The following ADRA1A variants were observed in gnomAD, a reference collection of about 807,000 sequenced individuals.
ADRA1A encodes the protein adrenoceptor alpha 1A, also known as alpha-1A adrenergic receptor.
A neutral mutation model predicts 29.6 loss-of-function variants in ADRA1A; 31 were observed. The ratio of observed to expected loss-of-function variants is 1.05; its 90% CI spans 0.79 to 1.41. The LOEUF is 1.41. ADRA1A is among the 40% of genes most tolerant of loss of function. ADRA1A has a pLI of 0.00. For synonymous variants in ADRA1A, 311 were observed against 254.3 expected (o/e 1.22, Z -2.12); for missense variants, 619 against 601.1 (o/e 1.03, Z -0.31).
downstream of ADRA1A, among the ~76,000 whole-genome samples, chr8:26,767,561 C>T (rs575839641): frequency 2.6e-5 from 4 of 152,222 alleles, no homozygotes; most frequent in East Asian, 1.9e-4. Context: ...AAATTATTTA[C>T]GGATAGTTTT....
chr8:26,753,113 G>A (rs566555468), downstream of ADRA1A, among the ~76,000 whole-genome samples: 2 of 152,206 alleles, frequency 1.3e-5, no homozygotes, highest in Non-Finnish European at 2.9e-5. Flanking sequence ...GGGGCCGAAA[G>A]GGTAGCCCTG....
exon 3 of ADRA1A, chr8:26,748,736 A>G (rs1467376324): frequency 5.3e-6 from 2 of 377,554 alleles, no homozygotes. Flanking sequence ...CTGGTGACAG[A>G]GCGAGACTTC....
At chr8:26,794,262 C>T (rs1808034172) in intron 2 of ADRA1A, among the ~76,000 whole-genome samples, 1 of 152,072 alleles carries the variant, frequency 6.6e-6, no homozygotes, top group African/African-American at 2.4e-5. Flanking sequence ...TTAGATTCTG[C>T]ATCATTTTCA....
chr8:26,852,010 C>G (rs1812672040), intron 2 of ADRA1A, among the ~76,000 whole-genome samples: 1 of 152,056 alleles, frequency 6.6e-6, no homozygotes, highest in South Asian at 2.1e-4. Context: ...CAATAAGTCC[C>G]ATAAGCTAAA....
rs571460382 is a variant in ADRA1A at position 26,778,950 on chromosome 8, AAT to A, written c.884-8286_884-8285del. 12 of 151,252 alleles carry A rather than the reference AAT, an allele frequency of 7.9e-5. No individual in the cohort carries two copies. In the East Asian group the frequency reaches 1.4e-3, roughly 17 times the overall value. 9.4% of individuals were successfully genotyped at this position (151,252 alleles called of 1,614,324 possible). ...CTAGAACTTAAAGTATAATAAAAAA[AAT>A]ATATATATATATAAATTTTTTTAAT... is the stretch of plus-strand genomic sequence containing the variant. On this transcript the variant is annotated intron_variant, in intron 2 of 2. Coordinates refer to ENST00000380573, the MANE Select transcript of ADRA1A (RefSeq NM_000680.4).
In ADRA1A at chr8:26,775,130, A is replaced by T. The variant is rs141741510; in HGVS notation, c.884-4464T>A. Reference sequence around the variant, plus strand: ...ACTCACGGAGCTCCAGAATCCAGTAAAATGCTAGAGTCTTGAAGGCATTCT... The same window carrying T: ...ACTCACGGAGCTCCAGAATCCAGTATAATGCTAGAGTCTTGAAGGCATTCT... On this transcript the variant is annotated intron_variant, in intron 2 of 2. Transcript: ENST00000380573. This position sits in a 1 kb window ranked among gnomAD's most constrained non-coding sequence, Gnocchi z 4.1. Among the ~76,000 whole-genome samples, 426 of 152,286 alleles carry T rather than the reference A, an allele frequency of 2.8e-3. 8 individuals carry two copies. The highest frequency in any genetic ancestry group is 0.023 in the Admixed American group (355 of 15,302).
Position 26,848,867 on chromosome 8 carries a change from T to C in ADRA1A, c.883+15220A>G, listed in dbSNP as rs138031850. Among the ~76,000 whole-genome samples the C allele has an allele frequency of 6.6e-6, 1 of 152,282 alleles. No homozygotes were observed. The highest frequency in any genetic ancestry group is 1.9e-4 in the East Asian group (1 of 5,170). On this transcript the variant is annotated intron_variant, in intron 2 of 2. Coordinates refer to ENST00000380573, the MANE Select transcript of ADRA1A (RefSeq NM_000680.4). The surrounding 1 kb of genome is among the most constrained non-coding windows in gnomAD (Gnocchi z 4.3). Reference sequence around the variant, plus strand: ...TCTAACTGTTGAGAATCAAAGGCTATAGGAGGATGGGTCTGCTTTGTCTTG... The same window carrying C: ...TCTAACTGTTGAGAATCAAAGGCTACAGGAGGATGGGTCTGCTTTGTCTTG...
rs1000663557 is a variant in ADRA1A, at chr8:26,860,950, A to G, written c.883+3137T>C. ...GCTCCAGTGTATAGCAAAACCTTTC[A>G]GAAGAGTTGTCTATTTTCCCTGTTC... On this transcript the variant is annotated intron_variant, in intron 2 of 2. Transcript: ENST00000380573. This position sits in a 1 kb window ranked among gnomAD's most constrained non-coding sequence, Gnocchi z 4.7. 2.6e-4 allele frequency among the ~76,000 whole-genome samples: 40 copies of G among 152,300 alleles called. No individual in the cohort carries two copies. Among genetic ancestry groups the G allele is most frequent in the African/African-American group, 9.1e-4 (38 of 41,570 alleles).
chr8:26,856,513 C>CT (rs1221989946), intron 2 of ADRA1A, among the ~76,000 whole-genome samples: 2 of 152,214 alleles, frequency 1.3e-5, no homozygotes, highest in Non-Finnish European at 2.9e-5. Context: ...CCAGTTATCT[C>CT]TTGGCCTCTT....
At chr8:26,814,519 C>G (rs1809633786) in intron 2 of ADRA1A, among the ~76,000 whole-genome samples, 1 of 152,196 alleles carries the variant, frequency 6.6e-6, no homozygotes, top group South Asian at 2.1e-4. Context: ...ACCTTGGCCT[C>G]CCAAAGGCCA....
rs1234538815 is a variant in ADRA1A at position 26,805,854 on chromosome 8, AG to A, written c.884-35189del. ...CCCACATAGATTTGGCATTATTAAC[AG>A]AGCCAAAGCCAAGTGACGTTGGCCC... On this transcript the variant is annotated intron_variant, in intron 2 of 2. Coordinates refer to ENST00000380573, the MANE Select transcript of ADRA1A (RefSeq NM_000680.4). This position sits in a 1 kb window ranked among gnomAD's most constrained non-coding sequence, Gnocchi z 4.8. 6.6e-5 allele frequency among the ~76,000 whole-genome samples: 10 copies of A among 152,304 alleles called. No individual in the cohort carries two copies. Among genetic ancestry groups the A allele is most frequent in the Admixed American group, 1.3e-4 (2 of 15,306 alleles).
rs1445800626 is a variant in ADRA1A at position 26,768,900 on chromosome 8, T to A, written c.*1249A>T. On this transcript the variant is annotated 3_prime_UTR_variant, in exon 3 of 3. Coordinates refer to ENST00000380573, the MANE Select transcript of ADRA1A (RefSeq NM_000680.4). ...GCTCTTGCAGAAAAGTAGGAATAGA[T>A]GAAGTTGAGTTGACTACTGGATCTT... 1.3e-5 allele frequency: 13 copies of A among 985,314 alleles called. No individual in the cohort carries two copies. Among genetic ancestry groups the A allele is most frequent in the Non-Finnish European group, 1.6e-5 (13 of 829,942 alleles). 61.0% of individuals were successfully genotyped at this position (985,314 alleles called of 1,614,324 possible).
chr8:26,785,875 C>T (rs776487612), intron 2 of ADRA1A, among the ~76,000 whole-genome samples: 10 of 152,140 alleles, frequency 6.6e-5, no homozygotes, highest in Non-Finnish European at 1.0e-4. Context: ...GTCTTCTTGA[C>T]GTCTTCAGTA....
At chr8:26,822,477 T>C (rs1316970054) in intron 2 of ADRA1A, among the ~76,000 whole-genome samples, 1 of 152,358 alleles carries the variant, frequency 6.6e-6, no homozygotes, top group South Asian at 2.1e-4. Context: ...TAGCCATACA[T>C]GGCTAGTGGC....
chr8:26,757,303 C>A (rs541122219), intron 2 of ADRA1A, among the ~76,000 whole-genome samples: 2 of 152,178 alleles, frequency 1.3e-5, no homozygotes, highest in Admixed American at 6.5e-5. Flanking sequence ...CTGACTACCC[C>A]GTCAGCCTGA....
At chr8:26,780,494 T>C (rs1396142746) in intron 2 of ADRA1A, among the ~76,000 whole-genome samples, 2 of 152,224 alleles carry the variant, frequency 1.3e-5, no homozygotes, top group Non-Finnish European at 2.9e-5. Context: ...CAAACTTGAA[T>C]TTGTCCAATT....
chr8:26,812,061 A>G (rs1458382816), intron 2 of ADRA1A, among the ~76,000 whole-genome samples: 2 of 152,242 alleles, frequency 1.3e-5, no homozygotes, highest in Admixed American at 1.3e-4. Context: ...TAAAGAAATC[A>G]AAATTTCTAA....
chr8:26,769,882 G>T lies in ADRA1A; in HGVS notation c.*267C>A. 1 of 1,187,884 alleles carries T rather than the reference G, an allele frequency of 8.4e-7. No individual in the cohort carries two copies. Among genetic ancestry groups the T allele is most frequent in the Admixed American group, 4.1e-5 (1 of 24,168 alleles). The allele number at this position is 1,187,884 out of a possible 1,614,324, so 73.6% of individuals were successfully genotyped here. A position where few individuals can be genotyped will look rare whatever the true frequency, so the allele number is the denominator to read the frequency against. ...AATTCTGTTTCCCATGGTGGTTTTC[G>T]TTGAAGTGGGCACAGAGTGACCAAG... On this transcript the variant is annotated 3_prime_UTR_variant, in exon 3 of 3. Coordinates refer to ENST00000380573, the MANE Select transcript of ADRA1A (RefSeq NM_000680.4).
At chr8:26,799,676 T>C (rs972102183) in intron 2 of ADRA1A, among the ~76,000 whole-genome samples, 5 of 152,196 alleles carry the variant, frequency 3.3e-5, no homozygotes, top group Non-Finnish European at 7.4e-5. Flanking sequence ...CTCTCTACTG[T>C]AGCTTGTTTC....
Sources: gnomAD v4.1 joint callset for allele counts (sites outside exome capture counted in the v4.1 genomes callset) on GRCh38, gnomAD v4.1.1 for gene constraint, Gnocchi (gnomAD v3.1) non-coding constraint, MANE v1.5 for transcripts, NCBI Gene and HGNC (gene_info 2026-07-23, HGNC 2026-07-21) for gene names.